CDH11: variants seen among roughly 807,000 people sequenced by gnomAD.
CDH11 encodes cadherin 11, also known as cadherin-11.
Under a neutral mutation model 67.8 loss-of-function variants are expected in CDH11, and 11 were observed. That is an observed-to-expected ratio of 0.16 (90% CI 0.10 to 0.27). The LOEUF is 0.27. Among genes scored for constraint, CDH11 ranks in the 10% least tolerant of loss-of-function variants. CDH11 has a pLI of 1.00. For synonymous variants in CDH11, 419 were observed against 400.0 expected, an observed-to-expected ratio of 1.05 and a Z score of -0.57; for missense variants, 847 against 1,031.2, an observed-to-expected ratio of 0.82 and a Z score of 2.45.
chr16:65,103,083 A>G (rs1213874306), intron 1 of CDH11, among the ~76,000 whole-genome samples: 1 of 152,172 alleles, frequency 6.6e-6, no homozygotes, highest in African/African-American at 2.4e-5. Context: ...ACATGGCCCA[A>G]GCACCATGGC....
At chr16:65,118,209 C>T (rs1393938041) in intron 1 of CDH11, among the ~76,000 whole-genome samples, 1 of 152,120 alleles carries the variant, frequency 6.6e-6, no homozygotes, top group Non-Finnish European at 1.5e-5. Context: ...GAGTCCATTT[C>T]CAGAGTTGTA....
At chr16:65,086,563 G>T (rs1362048999) in intron 1 of CDH11, among the ~76,000 whole-genome samples, 6 of 152,218 alleles carry the variant, frequency 3.9e-5, no homozygotes, top group Non-Finnish European at 7.3e-5. Context: ...TGTACAGAAT[G>T]AGATAGCATG....
intron 11 of CDH11, among the ~76,000 whole-genome samples, chr16:64,962,285 T>C (rs2071693244): frequency 6.6e-6 from 1 of 152,022 alleles, no homozygotes; most frequent in Non-Finnish European, 1.5e-5. Flanking sequence ...AGCTTGGAAG[T>C]CACCTCTCCA....
intron 12 of CDH11, 72 bp from the exon 13 acceptor site, chr16:64,948,171 C>G: frequency 6.5e-7 from 1 of 1,543,616 alleles, no homozygotes; most frequent in Non-Finnish European, 8.7e-7. Flanking sequence ...CAGAGGAACT[C>G]TGATTACCAT....
intron 2 of CDH11, among the ~76,000 whole-genome samples, chr16:65,043,119 T>C (rs1274220341): frequency 6.6e-6 from 1 of 152,182 alleles, no homozygotes; most frequent in African/African-American, 2.4e-5. Flanking sequence ...GTAATTTAAG[T>C]TCCTTGTAAC....
chr16:65,023,629 CA>C (rs1444854832), intron 2 of CDH11, among the ~76,000 whole-genome samples: 1 of 152,150 alleles, frequency 6.6e-6, no homozygotes, highest in Non-Finnish European at 1.5e-5. Context: ...TTATGCTAGA[CA>C]AAGGTTTTCT....
At chr16:65,068,394 G>A (rs1275646760) in intron 1 of CDH11, among the ~76,000 whole-genome samples, 1 of 117,764 alleles carries the variant, frequency 8.5e-6, no homozygotes, top group South Asian at 3.0e-4. Context: ...GGGAGCTCCC[G>A]AAATAAGATA....
chr16:65,086,151 G>C (rs1406778123), intron 1 of CDH11, among the ~76,000 whole-genome samples: 2 of 152,176 alleles, frequency 1.3e-5, no homozygotes, highest in African/African-American at 4.8e-5. Context: ...TTCAGTCCTT[G>C]ATATTCTCTA....
chr16:64,950,915 C>T lies in CDH11; in HGVS notation c.1746G>A (p.Met582Ile), dbSNP rs376812603. Residue 582 changes from methionine (M) to isoleucine (I), a missense_variant, in exon 12 of 13, where the codon ATG becomes ATA. Met to Ile is a conservative substitution (Grantham distance 10). Around this residue, in one of 2 missense-constraint regions of CDH11, gnomAD observed 612 missense variants for 678.7 expected, o/e 0.90. Coordinates refer to ENST00000268603, the MANE Select transcript of CDH11 (RefSeq NM_001797.4). ...IVISDGGIPP[M>I]SSTNTLTIKV... is the part of the protein sequence containing the mutation. ...TGATGGTGAGGGTGTTGGTGCTACT[C>T]ATGGGCGGGATGCCGCCATCGCTGA... 2.5e-6 allele frequency: 4 copies of T among 1,614,116 alleles called. No homozygotes were observed. Among genetic ancestry groups the T allele is most frequent in the African/African-American group, 2.7e-5 (2 of 74,942 alleles).
intron 1 of CDH11, among the ~76,000 whole-genome samples, chr16:65,072,552 T>A (rs1473049295): frequency 1.3e-5 from 2 of 152,184 alleles, no homozygotes; most frequent in Admixed American, 1.3e-4. Context: ...TGGATATTTT[T>A]AAAAAGTAAA....
intron 9 of CDH11, 95 bp from the exon 10 acceptor site, chr16:64,972,159 A>C (rs2072024899): frequency 1.8e-6 from 2 of 1,084,566 alleles, no homozygotes; most frequent in Admixed American, 1.9e-5. Flanking sequence ...CCAGCCACCT[A>C]TCTGGGCAGT....
At chr16:65,012,023 C>T (rs770077606) in intron 2 of CDH11, among the ~76,000 whole-genome samples, 3 of 152,168 alleles carry the variant, frequency 2.0e-5, no homozygotes, top group Non-Finnish European at 4.4e-5. Flanking sequence ...TCTGAGGATA[C>T]ACAGGCATCA....
chr16:65,034,954 C>T (rs1303506034), intron 2 of CDH11, among the ~76,000 whole-genome samples: 3 of 152,198 alleles, frequency 2.0e-5, no homozygotes, highest in African/African-American at 7.2e-5. Context: ...TCCCCCTCGA[C>T]CCTCGAGTTA....
At chr16:65,051,268 C>T (rs1208405800) in intron 2 of CDH11, among the ~76,000 whole-genome samples, 2 of 152,168 alleles carry the variant, frequency 1.3e-5, no homozygotes, top group African/African-American at 4.8e-5. Flanking sequence ...AACAGACCCA[C>T]ATTAACACAA....
chr16:65,032,952 T>C (rs2073673961), intron 2 of CDH11, among the ~76,000 whole-genome samples: 1 of 152,192 alleles, frequency 6.6e-6, no homozygotes, highest in Admixed American at 6.5e-5. Context: ...TTAGGCATCT[T>C]CTAGACAGCC....
At chr16:65,119,891 C>T (rs1358104911) in intron 1 of CDH11, among the ~76,000 whole-genome samples, 2 of 152,298 alleles carry the variant, frequency 1.3e-5, no homozygotes, top group East Asian at 1.9e-4. Context: ...TACTGAAAAG[C>T]ACTCACATTC....
intron 8 of CDH11, among the ~76,000 whole-genome samples, chr16:64,975,404 G>A (rs2072136038): frequency 6.6e-6 from 1 of 152,192 alleles, no homozygotes; most frequent in African/African-American, 2.4e-5. Flanking sequence ...GATGGTCTGA[G>A]GAAGTGAGAG....
chr16:64,948,624 ACT>A, intron 12 of CDH11: 2 of 1,610,884 alleles, frequency 1.2e-6, no homozygotes, highest in South Asian at 1.1e-5. Flanking sequence ...GTGTGGTTGG[ACT>A]CTCTGTAGCC....
At chr16:65,115,958 T>C (rs1207509483) in intron 1 of CDH11, among the ~76,000 whole-genome samples, 2 of 151,804 alleles carry the variant, frequency 1.3e-5, no homozygotes, top group Non-Finnish European at 2.9e-5. Flanking sequence ...TGAAGATTAG[T>C]GGGGAAAAAA....
Sources: allele counts gnomAD v4.1 joint callset (sites outside exome capture counted in the v4.1 genomes callset), GRCh38; gene constraint gnomAD v4.1.1; regional missense constraint gnomAD v4.1.1; transcripts MANE v1.5; gene names NCBI Gene and HGNC (gene_info 2026-07-23, HGNC 2026-07-21).